The following PCLO variants were observed in gnomAD, a reference collection of about 807,000 sequenced individuals.
PCLO encodes the protein piccolo presynaptic cytomatrix protein.
In PCLO, 82 loss-of-function variants were observed where a neutral mutation model predicts 427.5. The ratio of observed to expected loss-of-function variants is 0.19; its 90% CI spans 0.16 to 0.23. The LOEUF is 0.23. Ranked by LOEUF, PCLO falls within the 10% of genes least tolerant of loss-of-function variation. The pLI, the probability that PCLO is intolerant of heterozygous loss-of-function variation, is 1.00. For missense variants in PCLO, 6,239 were observed against 6,115.9 expected (o/e 1.02, Z -0.67); for synonymous variants, 2,357 against 2,155.4 (o/e 1.09, Z -2.59).
rs557095598 is a variant in PCLO at position 83,020,871 on chromosome 7, C to T, written c.3301-54384G>A. Among the ~76,000 whole-genome samples the T allele has an allele frequency of 2.2e-4, 33 of 152,316 alleles. 1 individual carries two copies. The South Asian group carries it at 6.6e-3, about 31-fold the overall frequency. ...ATTAATCATTAGGTCAGCTTGCTCT[C>T]TGATCTGCTTTCTCATAGTTGTTTG... On this transcript the variant is annotated intron_variant, in intron 3 of 24. Coordinates refer to ENST00000333891, the MANE Select transcript of PCLO (RefSeq NM_033026.6).
At chr7:83,020,837 A>G (rs1249633095) in intron 3 of PCLO, among the ~76,000 whole-genome samples, 4 of 152,124 alleles carry the variant, frequency 2.6e-5, no homozygotes, top group Non-Finnish European at 5.9e-5. Context: ...AGCTTGTGGT[A>G]TATTTGGCAT....
rs1176079685 is a variant in PCLO, at chr7:82,761,436, T to A, written c.15065A>T (p.Asp5022Val). The A allele has an allele frequency of 2.5e-6, 4 of 1,588,716 alleles. No individual in the cohort carries two copies. Among genetic ancestry groups the A allele is most frequent in the Non-Finnish European group, 3.4e-6 (4 of 1,162,316 alleles). ...AATTTCAACTATTAGTTGTTCACCA[T>A]CTGTCTTCATTTCCTTCTTCAATGC... ...KIALKKEMKT[D>V]GEQLIVEILQ... is the part of the protein sequence containing the mutation. Residue 5022 changes from aspartate to valine, a missense_variant, in exon 23 of 25, where the codon GAT becomes GTT. Physicochemically the swap from Asp to Val is radical, Grantham distance 152 (BLOSUM62 -3). This residue lies in a region of PCLO where 877 missense variants were observed against 925.5 expected (regional missense o/e 0.95). Transcript: ENST00000333891.
At position 82,956,324 on chromosome 7, in the gene PCLO, C is replaced by A. The variant is rs374315381; in HGVS notation, c.4629G>T (p.Gln1543His). The change falls in exon 5 of 25, where the codon CAG becomes CAT. Residue 1543 changes from glutamine to histidine, a missense_variant. Gln to His is a conservative substitution (Grantham distance 24). Transcript: ENST00000333891. ...CTTCCCCTGATCCTTGGCTGTCTTC[C>A]TGTTTATACTCATCACTGCTTGATG... Reference protein sequence around the residue: ...VGSSSSDEYKQEDSQGSGEEE... With the variant: ...VGSSSSDEYKHEDSQGSGEEE... The A allele has an allele frequency of 1.2e-6, 2 of 1,613,084 alleles. No individual in the cohort carries two copies. Among genetic ancestry groups the A allele is most frequent in the Admixed American group, 3.3e-5 (2 of 60,006 alleles).
intron 9 of PCLO, among the ~76,000 whole-genome samples, chr7:82,891,869 A>G (rs1013197280): frequency 2.6e-5 from 4 of 152,078 alleles, no homozygotes; most frequent in Non-Finnish European, 5.9e-5. Context: ...AAGGGATGTG[A>G]AGGACCTCTT....
intron 22 of PCLO, among the ~76,000 whole-genome samples, chr7:82,786,310 T>A (rs1383952604): frequency 6.8e-6 from 1 of 146,944 alleles, no homozygotes; most frequent in Non-Finnish European, 1.5e-5. Flanking sequence ...AGAGCCATAG[T>A]ATTTTCTTCT....
Position 82,954,141 on chromosome 7 carries a change from G to A in PCLO, c.6812C>T (p.Ser2271Phe). ...AGGTACTACAGATTCTATGATAGAA[G>A]ATGCCATATCAGATAAGGAAATAAC... ...HIVISLSDMA[S>F]SIIESVVPKP... Residue 2271 changes from serine (S) to phenylalanine (F), a missense_variant, in exon 5 of 25, where the codon TCT (serine) becomes TTT (phenylalanine). Around this residue, in one of 5 missense-constraint regions of PCLO, gnomAD observed 4,677 missense variants for 4,468.4 expected, o/e 1.05. Coordinates refer to ENST00000333891, the MANE Select transcript of PCLO (RefSeq NM_033026.6). 1 of 1,613,882 alleles carries A rather than the reference G, an allele frequency of 6.2e-7. No homozygotes were observed. Among genetic ancestry groups the A allele is most frequent in the Non-Finnish European group, 8.5e-7 (1 of 1,179,836 alleles).
At chr7:82,818,451 C>A (rs1312462229) in intron 20 of PCLO, among the ~76,000 whole-genome samples, 1 of 152,106 alleles carries the variant, frequency 6.6e-6, no homozygotes. Context: ...GGAAGGCTTC[C>A]TTTTGTTGGG....
intron 15 of PCLO, among the ~76,000 whole-genome samples, chr7:82,837,832 T>A (rs1792267286): frequency 6.6e-6 from 1 of 152,000 alleles, no homozygotes; most frequent in South Asian, 2.1e-4. Context: ...AAATAAACAG[T>A]AACTTGTAAG....
At chr7:82,847,282 G>T in intron 10 of PCLO, 35 bp from the exon 11 acceptor site, 2 of 1,196,606 alleles carry the variant, frequency 1.7e-6, no homozygotes, top group Non-Finnish European at 1.2e-6. Flanking sequence ...AATCAAACGT[G>T]TGCTATCTCT....
intron 22 of PCLO, among the ~76,000 whole-genome samples, chr7:82,775,795 TCTC>T (rs1790737832): frequency 6.6e-6 from 1 of 152,196 alleles, no homozygotes; most frequent in African/African-American, 2.4e-5. Flanking sequence ...GTCTAGATTT[TCTC>T]CTATGTTATT....
At chr7:82,913,266 TAC>T (rs1794365655) in intron 7 of PCLO, among the ~76,000 whole-genome samples, 1 of 151,998 alleles carries the variant, frequency 6.6e-6, no homozygotes. Flanking sequence ...CTCCTTCAGA[TAC>T]AGTGATTATT....
chr7:82,989,681 A>G (rs930813587), intron 3 of PCLO, among the ~76,000 whole-genome samples: 1 of 152,184 alleles, frequency 6.6e-6, no homozygotes, highest in Non-Finnish European at 1.5e-5. Flanking sequence ...ACATTTATAA[A>G]GTTACCAGAT....
Position 83,134,507 on chromosome 7 carries a change from C to T in PCLO, c.3043G>A (p.Ala1015Thr). 2 of 1,613,812 alleles carry T rather than the reference C, an allele frequency of 1.2e-6. No homozygotes were observed. The highest frequency in any genetic ancestry group is 1.7e-6 in the Non-Finnish European group (2 of 1,179,874). Residue 1015 changes from alanine to threonine, a missense_variant, in exon 3 of 25, where the codon GCT becomes ACT. Around this residue, in one of 5 missense-constraint regions of PCLO, gnomAD observed 4,677 missense variants for 4,468.4 expected, o/e 1.05. Coordinates refer to ENST00000333891, the MANE Select transcript of PCLO (RefSeq NM_033026.6). ...AEKLEPKAEQ[A>T]PTVKRTETEK... Reference sequence around the variant, plus strand: ...GTTTCTGTTCTTTTTACTGTTGGAGCTTGTTCAGCTTTGGGCTCTAATTTT... The same window carrying T: ...GTTTCTGTTCTTTTTACTGTTGGAGTTTGTTCAGCTTTGGGCTCTAATTTT...
chr7:83,107,728 C>A (rs1237219273), intron 3 of PCLO, among the ~76,000 whole-genome samples: 1 of 35,828 alleles, frequency 2.8e-5, no homozygotes, highest in Non-Finnish European at 5.5e-5. Flanking sequence ...CGGTGGCTCA[C>A]GCCTATAATC....
intron 6 of PCLO, among the ~76,000 whole-genome samples, chr7:82,946,001 C>A (rs1053228304): frequency 6.6e-6 from 1 of 152,074 alleles, no homozygotes; most frequent in African/African-American, 2.4e-5. Context: ...TAGTAAGGAG[C>A]CATCATAAAA....
In PCLO at chr7:82,916,447, T is replaced by C. The variant is rs767509965; in HGVS notation, c.11539A>G (p.Ile3847Val). Residue 3847 changes from isoleucine to valine, a missense_variant, in exon 7 of 25, where the codon ATA becomes GTA. By Grantham distance (29) the Ile-to-Val change is conservative. Coordinates refer to ENST00000333891, the MANE Select transcript of PCLO (RefSeq NM_033026.6). ...SEVSSTRPTR[I>V]ESQHGIERPR... ...CGCTCAATGCCATGCTGACTTTCTA[T>C]TCGGGTTGGTCTTGTGCTACTCACT... is the stretch of plus-strand genomic sequence containing the variant. 5.6e-6 allele frequency: 9 copies of C among 1,613,626 alleles called. No individual in the cohort carries two copies. In the Admixed American group the frequency reaches 1.5e-4, roughly 27 times the overall value.
intron 2 of PCLO, among the ~76,000 whole-genome samples, chr7:83,144,036 C>T (rs184429589): frequency 1.3e-5 from 2 of 152,296 alleles, no homozygotes; most frequent in African/African-American, 4.8e-5. Flanking sequence ...ATTCTATATG[C>T]TGAAAGCAGC....
chr7:83,003,517 T>C (rs988030572), intron 3 of PCLO, among the ~76,000 whole-genome samples: 1 of 151,842 alleles, frequency 6.6e-6, no homozygotes, highest in African/African-American at 2.4e-5. Flanking sequence ...TGGATGACTA[T>C]GTCAATGGTT....
chr7:82,857,437 G>T (rs1023156545), intron 10 of PCLO, among the ~76,000 whole-genome samples: 1 of 151,966 alleles, frequency 6.6e-6, no homozygotes, highest in Non-Finnish European at 1.5e-5. Context: ...TTTTTTAACT[G>T]TTACTTAAAT....
Sources: allele counts gnomAD v4.1 joint callset (sites outside exome capture counted in the v4.1 genomes callset), GRCh38; gene constraint gnomAD v4.1.1; regional missense constraint gnomAD v4.1.1; transcripts MANE v1.5; gene names NCBI Gene and HGNC (gene_info 2026-07-23, HGNC 2026-07-21).